Variants in ANK2 observed in about 807,000 individuals in gnomAD.
ANK2 encodes ankyrin-2.
A neutral mutation model predicts 360.5 loss-of-function variants in ANK2; 83 were observed. That is an observed-to-expected ratio of 0.23 (90% CI 0.19 to 0.28). The LOEUF is 0.28. ANK2 is among the 10% of genes least tolerant of loss of function. ANK2 has a pLI of 1.00. For synonymous variants in ANK2, 1,740 were observed against 1,759.5 expected, an observed-to-expected ratio of 0.99 and a Z score of 0.28; for missense variants, 4,201 against 4,795.7, an observed-to-expected ratio of 0.88 and a Z score of 3.66.
At chr4:113,331,077 T>G (rs976905552) in intron 27 of ANK2, among the ~76,000 whole-genome samples, 3 of 152,216 alleles carry the variant, frequency 2.0e-5, no homozygotes, top group African/African-American at 7.2e-5. Flanking sequence ...CATTTCTTCT[T>G]TCTTCTGTTT....
intron 22 of ANK2, among the ~76,000 whole-genome samples, chr4:113,294,850 A>G (rs2070168920): frequency 6.6e-6 from 1 of 152,138 alleles, no homozygotes; most frequent in African/African-American, 2.4e-5. Context: ...CACTATATTT[A>G]ATGGCTTTTT....
At chr4:112,747,609 A>G in the ANK2 span, among the ~76,000 whole-genome samples, 1 of 152,318 alleles carries the variant, frequency 6.6e-6, no homozygotes, top group Admixed American at 6.5e-5. Context: ...TTCAAATTGA[A>G]AGTTAAATAT....
intron 2 of ANK2, among the ~76,000 whole-genome samples, chr4:112,990,967 T>C (rs1449472687): frequency 2.0e-5 from 3 of 152,042 alleles, no homozygotes; most frequent in Admixed American, 6.6e-5. Flanking sequence ...TGAAATCCTA[T>C]TGGGCAAGGC....
chr4:112,792,372 A>G, the ANK2 span, among the ~76,000 whole-genome samples: 4 of 152,068 alleles, frequency 2.6e-5, no homozygotes, highest in African/African-American at 9.7e-5. Flanking sequence ...TTCCTTTTTT[A>G]GTAGGCACTG....
chr4:113,189,834 C>T (rs1354305348), intron 2 of ANK2, among the ~76,000 whole-genome samples: 1 of 152,100 alleles, frequency 6.6e-6, no homozygotes, highest in Non-Finnish European at 1.5e-5. Flanking sequence ...CCCTGCTTGC[C>T]AACCTTGATA....
chr4:112,793,751 G>A, the ANK2 span, among the ~76,000 whole-genome samples: 1 of 149,548 alleles, frequency 6.7e-6, no homozygotes, highest in African/African-American at 2.5e-5. Flanking sequence ...TGTCGCCCAG[G>A]CTGGAATGCA....
chr4:112,838,650 C>T (rs2061483581), intron 1 of ANK2, among the ~76,000 whole-genome samples: 1 of 152,120 alleles, frequency 6.6e-6, no homozygotes, highest in African/African-American at 2.4e-5. Flanking sequence ...AGTGGATCAC[C>T]TGAGGTCAGG....
At chr4:113,008,875 T>C (rs1252472243) in intron 2 of ANK2, among the ~76,000 whole-genome samples, 9 of 152,050 alleles carry the variant, frequency 5.9e-5, no homozygotes, top group Admixed American at 5.3e-4. Flanking sequence ...AGCCTGTTCA[T>C]TGGGGAAAAG....
the ANK2 span, among the ~76,000 whole-genome samples, chr4:112,760,495 C>T: frequency 1.3e-5 from 2 of 151,126 alleles, no homozygotes; most frequent in African/African-American, 2.4e-5. Flanking sequence ...CCTCAAATTC[C>T]ATATTCTTTT....
At chr4:112,813,873 A>G (rs1198364645), upstream of ANK2, among the ~76,000 whole-genome samples, 2 of 152,226 alleles carry the variant, frequency 1.3e-5, no homozygotes, top group Admixed American at 1.3e-4. Context: ...AATGCTGACA[A>G]GAATGCAGTA....
At chr4:112,753,338 A>T in the ANK2 span, among the ~76,000 whole-genome samples, 1 of 152,272 alleles carries the variant, frequency 6.6e-6, no homozygotes, top group African/African-American at 2.4e-5. Context: ...ATAGGAATAC[A>T]TTCTGAGAAA....
intron 22 of ANK2, among the ~76,000 whole-genome samples, chr4:113,299,852 C>T (rs1431368381): frequency 1.3e-5 from 2 of 152,134 alleles, no homozygotes; most frequent in Non-Finnish European, 2.9e-5. Context: ...ATAAACCCAC[C>T]TAAGGAACCT....
chr4:113,119,247 T>C (rs891408956), intron 1 of ANK2, among the ~76,000 whole-genome samples: 1 of 152,166 alleles, frequency 6.6e-6, no homozygotes, highest in Non-Finnish European at 1.5e-5. Context: ...TCCTTGTTCC[T>C]CTTTTTTCAT....
At chr4:113,337,317 A>C (rs970333153) in intron 31 of ANK2, among the ~76,000 whole-genome samples, 28 of 152,222 alleles carry the variant, frequency 1.8e-4, no homozygotes, top group Admixed American at 1.8e-3. Flanking sequence ...AAAGGTTTTC[A>C]GTGATTAACT....
intron 32 of ANK2, 143 bp from the exon 33 acceptor site, chr4:113,341,545 G>T: frequency 2.6e-6 from 2 of 771,114 alleles, no homozygotes; most frequent in South Asian, 1.7e-5. Context: ...CTTTCCTTTG[G>T]CCTTCTCTCA....
At chr4:113,016,394 G>C (rs972724844) in intron 2 of ANK2, among the ~76,000 whole-genome samples, 1 of 152,130 alleles carries the variant, frequency 6.6e-6, no homozygotes, top group Non-Finnish European at 1.5e-5. Context: ...TTGTGCCTAT[G>C]TGCCAAATAC....
the ANK2 span, among the ~76,000 whole-genome samples, chr4:112,724,062 A>G: frequency 2.9e-4 from 44 of 150,144 alleles, no homozygotes; most frequent in African/African-American, 1.0e-3. Flanking sequence ...TACAGGAAAA[A>G]TCTTTTTTTT....
chr4:113,230,572 C>CTG (rs1305884449), intron 4 of ANK2, among the ~76,000 whole-genome samples: 5 of 151,998 alleles, frequency 3.3e-5, no homozygotes, highest in Non-Finnish European at 7.4e-5. Flanking sequence ...GAACGCTGAT[C>CTG]TGTGTTTTTA....
intron 26 of ANK2, among the ~76,000 whole-genome samples, chr4:113,322,354 C>T (rs1431037073): frequency 1.3e-5 from 2 of 152,174 alleles, no homozygotes; most frequent in African/African-American, 4.8e-5. Flanking sequence ...CTAACATTTG[C>T]TGTTTATTTT....
Sources: gnomAD v4.1 joint callset for allele counts (sites outside exome capture counted in the v4.1 genomes callset) on GRCh38, gnomAD v4.1.1 for gene constraint, MANE v1.5 for transcripts, NCBI Gene and HGNC (gene_info 2026-07-23, HGNC 2026-07-21) for gene names.